STAG1: variants seen among roughly 807,000 people sequenced by gnomAD.
The protein encoded by STAG1 is cohesin subunit SA-1.
In STAG1, 26 loss-of-function variants were observed where a neutral mutation model predicts 170.9. The observed-to-expected ratio is 0.15, with a 90% CI of 0.11 to 0.21. The LOEUF is 0.21. STAG1 is among the 10% of genes least tolerant of loss of function. The pLI is 1.00. For missense variants in STAG1, 964 were observed against 1,509.5 expected, an observed-to-expected ratio of 0.64 and a Z score of 5.99; for synonymous variants, 514 against 497.7, an observed-to-expected ratio of 1.03 and a Z score of -0.44.
At chr3:136,747,777 A>ATTT (rs755574502) in intron 1 of STAG1, among the ~76,000 whole-genome samples, 1 of 143,746 alleles carries the variant, frequency 7.0e-6, no homozygotes, top group African/African-American at 2.5e-5. Context: ...GAATTACGTA[A>ATTT]TTTTTTTTTT....
At chr3:136,577,410 C>T (rs1470596433) in intron 4 of STAG1, among the ~76,000 whole-genome samples, 1 of 152,098 alleles carries the variant, frequency 6.6e-6, no homozygotes, top group East Asian at 1.9e-4. Context: ...TCTTAACTGG[C>T]AAAGAATGGG....
chr3:136,463,716 A>T (rs920262700), intron 13 of STAG1, among the ~76,000 whole-genome samples: 5 of 115,580 alleles, frequency 4.3e-5, no homozygotes, highest in Non-Finnish European at 6.3e-5. Context: ...CATCTCTCTA[A>T]AAAAAAAAAA....
At chr3:136,605,627 G>C (rs1938895949) in intron 3 of STAG1, among the ~76,000 whole-genome samples, 1 of 151,908 alleles carries the variant, frequency 6.6e-6, no homozygotes, top group Non-Finnish European at 1.5e-5. Context: ...CAGTCCTTAT[G>C]CTCTCTATTG....
intron 4 of STAG1, chr3:136,586,974 C>G (rs1195472869): frequency 4.6e-6 from 2 of 438,588 alleles, no homozygotes; most frequent in East Asian, 1.4e-4. Context: ...ATTCCTGAAT[C>G]ATCCTATGAA....
At chr3:136,710,523 T>C (rs1298678908) in intron 1 of STAG1, among the ~76,000 whole-genome samples, 1 of 152,174 alleles carries the variant, frequency 6.6e-6, no homozygotes, top group Non-Finnish European at 1.5e-5. Context: ...TTCTTTTCCA[T>C]AGTACCAGAA....
intron 1 of STAG1, among the ~76,000 whole-genome samples, chr3:136,651,373 AT>A (rs769696949): frequency 2.4e-5 from 3 of 125,916 alleles, no homozygotes; most frequent in African/African-American, 1.0e-4. Flanking sequence ...CTCACCAAAA[AT>A]TTAAAAAAAA....
chr3:136,683,624 T>C (rs1248742797), intron 1 of STAG1, among the ~76,000 whole-genome samples: 1 of 152,124 alleles, frequency 6.6e-6, no homozygotes, highest in Non-Finnish European at 1.5e-5. Flanking sequence ...AACTAGAAAC[T>C]TTCCTACTAA....
intron 1 of STAG1, chr3:136,736,593 T>C: frequency 1.9e-6 from 3 of 1,560,968 alleles, no homozygotes; most frequent in Non-Finnish European, 1.8e-6. Context: ...TCGCCAGCTG[T>C]CCACACAACC....
intron 1 of STAG1, among the ~76,000 whole-genome samples, chr3:136,692,561 A>G (rs998839997): frequency 6.6e-6 from 1 of 151,956 alleles, no homozygotes; most frequent in Non-Finnish European, 1.5e-5. Context: ...CTTGAACCCA[A>G]GAGATGGTGG....
At chr3:136,641,667 A>G (rs960908376) in intron 1 of STAG1, among the ~76,000 whole-genome samples, 1 of 152,258 alleles carries the variant, frequency 6.6e-6, no homozygotes, top group Admixed American at 6.5e-5. Flanking sequence ...CCCTGATTAC[A>G]GGAGAGGCAT....
chr3:136,350,174 G>T (rs886927882), intron 28 of STAG1, among the ~76,000 whole-genome samples: 2 of 151,946 alleles, frequency 1.3e-5, no homozygotes, highest in Non-Finnish European at 2.9e-5. Context: ...ATTTTAGCAA[G>T]AACAGCAAAA....
At chr3:136,699,916 G>A (rs1943001460) in intron 1 of STAG1, among the ~76,000 whole-genome samples, 1 of 151,936 alleles carries the variant, frequency 6.6e-6, no homozygotes, top group Admixed American at 6.6e-5. Flanking sequence ...GAGCAAGCAG[G>A]TTTGATACAT....
chr3:136,582,956 CTTTA>C (rs1324557086), intron 4 of STAG1, among the ~76,000 whole-genome samples: 1 of 152,002 alleles, frequency 6.6e-6, no homozygotes, highest in Non-Finnish European at 1.5e-5. Flanking sequence ...AATTCATTAC[CTTTA>C]TTTTTCTCTT....
At chr3:136,613,984 G>A (rs1464129948) in intron 3 of STAG1, among the ~76,000 whole-genome samples, 1 of 152,142 alleles carries the variant, frequency 6.6e-6, no homozygotes, top group Non-Finnish European at 1.5e-5. Flanking sequence ...GGAGGCTGAT[G>A]CGGATGGATT....
At chr3:136,519,577 T>A (rs1934565991) in intron 7 of STAG1, among the ~76,000 whole-genome samples, 1 of 151,342 alleles carries the variant, frequency 6.6e-6, no homozygotes, top group Non-Finnish European at 1.5e-5. Flanking sequence ...CATGTGACAA[T>A]CAAGTAAATG....
At chr3:136,513,368 G>T (rs1444987339) in intron 7 of STAG1, among the ~76,000 whole-genome samples, 1 of 151,872 alleles carries the variant, frequency 6.6e-6, no homozygotes, top group East Asian at 1.9e-4. Flanking sequence ...AAAAAAAAAG[G>T]AAGACTTGGA....
intron 13 of STAG1, among the ~76,000 whole-genome samples, chr3:136,457,231 A>G (rs983250795): frequency 3.9e-5 from 6 of 152,096 alleles, no homozygotes; most frequent in Non-Finnish European, 2.9e-5. Context: ...CGTAGCTTGG[A>G]TGGAATCCAA....
chr3:136,681,443 G>A (rs1416005848), intron 1 of STAG1, among the ~76,000 whole-genome samples: 2 of 152,050 alleles, frequency 1.3e-5, no homozygotes, highest in Admixed American at 1.3e-4. Flanking sequence ...CTGTAGCCTT[G>A]GGGGAAAAAT....
chr3:136,529,185 A>G (rs1226529085), intron 6 of STAG1, among the ~76,000 whole-genome samples: 2 of 152,178 alleles, frequency 1.3e-5, no homozygotes, highest in Non-Finnish European at 2.9e-5. Flanking sequence ...CCAAATGTTC[A>G]ATTTGGGGTC....
Sources: allele counts gnomAD v4.1 joint callset (sites outside exome capture counted in the v4.1 genomes callset), GRCh38; gene constraint gnomAD v4.1.1; transcripts MANE v1.5; gene names NCBI Gene and HGNC (gene_info 2026-07-23, HGNC 2026-07-21).